Variants in PZP observed in about 807,000 individuals in gnomAD.
PZP encodes the protein pregnancy zone protein.
In PZP, 150 loss-of-function variants were observed where a neutral mutation model predicts 179.8. That is an observed-to-expected ratio of 0.83 (90% CI 0.73 to 0.96). PZP has a LOEUF of 0.96. Ranked by LOEUF, PZP falls within the 40% of genes least tolerant of loss-of-function variation. PZP has a pLI of 0.00. For missense variants in PZP, 1,689 were observed against 1,764.0 expected, an observed-to-expected ratio of 0.96 and a Z score of 0.76; for synonymous variants, 624 against 652.3, an observed-to-expected ratio of 0.96 and a Z score of 0.66.
chr12:9,179,475 G>GC (rs1942617465), intron 15 of PZP, among the ~76,000 whole-genome samples: 1 of 152,136 alleles, frequency 6.6e-6, no homozygotes. Flanking sequence ...ATAGTCAAAA[G>GC]CAGATAATTA....
At chr12:9,190,961 T>A (rs1565656729) in intron 13 of PZP, among the ~76,000 whole-genome samples, 1 of 152,174 alleles carries the variant, frequency 6.6e-6, no homozygotes, top group East Asian at 1.9e-4. Flanking sequence ...TGGTGAAGAG[T>A]AAATCGGTAA....
intron 13 of PZP, among the ~76,000 whole-genome samples, chr12:9,184,889 A>T (rs985726371): frequency 4.6e-5 from 7 of 152,058 alleles, no homozygotes; most frequent in African/African-American, 1.5e-4. Context: ...CCACAATCAA[A>T]CCTCCAAGGT....
chr12:9,203,265 T>TA (rs34723854), intron 2 of PZP, among the ~76,000 whole-genome samples: 40,388 of 151,474 alleles, frequency 0.27, 5,915 homozygotes, highest in Admixed American at 0.38. Context: ...CTTACTCTGG[T>TA]AAAAAATGCT....
At chr12:9,190,591 G>A (rs907314314) in intron 13 of PZP, among the ~76,000 whole-genome samples, 2 of 151,958 alleles carry the variant, frequency 1.3e-5, no homozygotes, top group African/African-American at 4.8e-5. Flanking sequence ...ATAATTATTG[G>A]GTAGTAGGCT....
At chr12:9,180,588 G>T (rs1303712424) in intron 15 of PZP, among the ~76,000 whole-genome samples, 2 of 152,092 alleles carry the variant, frequency 1.3e-5, no homozygotes, top group Non-Finnish European at 2.9e-5. Context: ...GGGAAAACTG[G>T]CTAGCCATAT....
At position 9,201,311 on chromosome 12, in the gene PZP, T is replaced by C. The variant is rs1474190552; in HGVS notation, c.501+16A>G. The C allele has an allele frequency of 2.6e-6, 4 of 1,526,344 alleles. No individual in the cohort carries two copies. The highest frequency in any genetic ancestry group is 1.7e-5 in the Admixed American group (1 of 57,740). 94.6% of individuals were successfully genotyped at this position (1,526,344 alleles called of 1,614,324 possible). ...AAGCACTAATTTCCTTATAAGATAC[T>C]TTTTCTGATACTTACCTCAAGGTAT... On this transcript the variant is annotated intron_variant, in intron 5 of 35. Transcript: ENST00000261336.
intron 29 of PZP, among the ~76,000 whole-genome samples, chr12:9,153,715 G>T (rs1267624839): frequency 6.6e-6 from 1 of 152,070 alleles, no homozygotes; most frequent in African/African-American, 2.4e-5. Flanking sequence ...ACATGAAAAT[G>T]GTATGAGACA....
chr12:9,151,733 T>C, intron 32 of PZP, 61 bp from the exon 33 acceptor site: 11 of 1,357,542 alleles, frequency 8.1e-6, no homozygotes, highest in South Asian at 1.2e-5. Flanking sequence ...TGGTGTGAGA[T>C]CTAGAGCAGA....
chr12:9,164,891 AATTCT>A (rs1941476612), intron 19 of PZP, among the ~76,000 whole-genome samples: 1 of 152,204 alleles, frequency 6.6e-6, no homozygotes, highest in Non-Finnish European at 1.5e-5. Flanking sequence ...TGCAGCAAAG[AATTCT>A]GCAAGCGCTA....
intron 26 of PZP, among the ~76,000 whole-genome samples, 185 bp from the exon 27 acceptor site, chr12:9,158,026 T>C (rs1435643133): frequency 1.3e-5 from 2 of 152,202 alleles, no homozygotes; most frequent in Non-Finnish European, 2.9e-5. Flanking sequence ...CTATCACACA[T>C]GACAGCCTCA....
chr12:9,151,564 G>T, intron 33 of PZP, 40 bp downstream of exon 33: 1 of 1,543,664 alleles, frequency 6.5e-7, no homozygotes, highest in South Asian at 1.1e-5. Context: ...TTAGAAAGAC[G>T]ACCCATATGT....
In PZP at chr12:9,192,686, G is replaced by A; in HGVS notation, c.1308C>T (p.Asp436=). Residue 436 remains aspartate, a synonymous_variant, in exon 12 of 36, where the codon GAC becomes GAT. Coordinates refer to ENST00000261336, the MANE Select transcript of PZP (RefSeq NM_002864.3). ...LCFHYSWVAE[D]HQGAQHTANR... ...TTGCAGTGTGCTGAGCACCCTGGTG[G>A]TCTTCTGCTACCCATGAATAGTGAA... 6.2e-7 allele frequency: 1 copy of A among 1,613,926 alleles called. No individual in the cohort carries two copies.
Position 9,181,089 on chromosome 12 carries a change from T to C in PZP, c.1733A>G (p.His578Arg). ...AGCAGCTGCTACTTGCAGGTGGGCA[T>C]GTGAGGCTGGGGGACTTTGTGCTGG... ...FSPAQSPPAS[H>R]AHLQVAAAPQ... Residue 578 changes from histidine (H) to arginine (R), a missense_variant, in exon 15 of 36, where the codon CAT (histidine) becomes CGT (arginine). By Grantham distance (29) the His-to-Arg change is conservative. Transcript: ENST00000261336. 2 of 1,614,182 alleles carry C rather than the reference T, an allele frequency of 1.2e-6. No homozygotes were observed. The highest frequency in any genetic ancestry group is 1.7e-6 in the Non-Finnish European group (2 of 1,180,018).
chr12:9,179,558 G>C (rs751623018), intron 15 of PZP, among the ~76,000 whole-genome samples: 1 of 152,270 alleles, frequency 6.6e-6, no homozygotes, highest in East Asian at 1.9e-4. Flanking sequence ...AAAATAATTT[G>C]TAAATCACTT....
At chr12:9,155,296 CT>C (rs993300267) in intron 28 of PZP, among the ~76,000 whole-genome samples, 13 of 151,688 alleles carry the variant, frequency 8.6e-5, no homozygotes, top group African/African-American at 2.4e-4. Context: ...TCTTTTCTTT[CT>C]TTTTTTTTCT....
Position 9,151,656 on chromosome 12 carries a change from G to A in PZP, c.4229C>T (p.Ser1410Phe), listed in dbSNP as rs1256073944. Residue 1410 changes from serine (S) to phenylalanine (F), a missense_variant, in exon 33 of 36, where the codon TCT becomes TTT. Physicochemically the swap from Ser to Phe is radical, Grantham distance 155. Coordinates refer to ENST00000261336, the MANE Select transcript of PZP (RefSeq NM_002864.3). ...PTVKMLERSS[S>F]VSRTEVSNNH... Reference sequence around the variant, plus strand: ...GTTGCTCACTTCTGTCCGGCTCACAGAGCTAGATCTTTCAAGCTGGAGAGA... The same window carrying A: ...GTTGCTCACTTCTGTCCGGCTCACAAAGCTAGATCTTTCAAGCTGGAGAGA... 1 of 1,613,784 alleles carries A rather than the reference G, an allele frequency of 6.2e-7. No homozygotes were observed.
the PZP span, among the ~76,000 whole-genome samples, chr12:9,141,186 A>G: frequency 9.2e-5 from 14 of 152,212 alleles, no homozygotes; most frequent in Admixed American, 2.0e-4. Flanking sequence ...ACACTAAGAT[A>G]TATCAGAAAT....
At chr12:9,182,198 G>T (rs991589809) in intron 13 of PZP, 81 bp from the exon 14 acceptor site, 216 of 423,848 alleles carry the variant, frequency 5.1e-4, no homozygotes, top group Non-Finnish European at 7.0e-4. Flanking sequence ...GGACACTATT[G>T]CTTGGTCTTA....
intron 13 of PZP, among the ~76,000 whole-genome samples, chr12:9,182,581 A>G (rs1453600162): frequency 9.9e-5 from 15 of 152,216 alleles, no homozygotes. Context: ...GAACTTCCTA[A>G]AAGAATATTT....
Sources: allele counts gnomAD v4.1 joint callset (sites outside exome capture counted in the v4.1 genomes callset), GRCh38; gene constraint gnomAD v4.1.1; transcripts MANE v1.5; gene names NCBI Gene and HGNC (gene_info 2026-07-23, HGNC 2026-07-21).